The following MIER3 variants were observed in gnomAD, a reference collection of about 807,000 sequenced individuals.
MIER3 encodes the protein mesoderm induction early response protein 3.
In MIER3, 9 loss-of-function variants were observed where a neutral mutation model predicts 63.2. The observed-to-expected ratio is 0.14, with a 90% CI of 0.09 to 0.25. MIER3 has a LOEUF of 0.25. Ranked by LOEUF, MIER3 falls within the 10% of genes least tolerant of loss-of-function variation. The pLI, the probability that MIER3 is intolerant of heterozygous loss-of-function variation, is 1.00. For synonymous variants in MIER3, 205 were observed against 224.9 expected, an observed-to-expected ratio of 0.91 and a Z score of 0.79; for missense variants, 512 against 666.2, an observed-to-expected ratio of 0.77 and a Z score of 2.55.
intron 6 of MIER3, 62 bp downstream of exon 6, chr5:56,935,601 TATC>T: frequency 6.5e-7 from 1 of 1,532,944 alleles, no homozygotes; most frequent in South Asian, 1.2e-5. Flanking sequence ...ACAACAAAAT[TATC>T]ATAAATCATT....
Position 56,950,669 on chromosome 5 carries a change from A to G in MIER3, c.10-17T>C, listed in dbSNP as rs770453596. On this transcript the variant is annotated splice_polypyrimidine_tract_variant and intron_variant, in intron 1 of 12. Coordinates refer to ENST00000381199, the MANE Select transcript of MIER3 (RefSeq NM_001297599.2). Reference sequence around the variant, plus strand: ...AAAAGAAGCCTAGGAGAGAGAGAAGAAAACGTGAGGTTAGATCGCACAGCC... The same window carrying G: ...AAAAGAAGCCTAGGAGAGAGAGAAGGAAACGTGAGGTTAGATCGCACAGCC... The G allele has an allele frequency of 2.4e-5, 39 of 1,613,250 alleles. No homozygotes were observed. In the Admixed American group the frequency reaches 4.0e-4, roughly 17 times the overall value.
At chr5:56,930,780 T>C in intron 8 of MIER3, 35 bp from the exon 9 acceptor site, 1 of 1,532,542 alleles carries the variant, frequency 6.5e-7, no homozygotes, top group Non-Finnish European at 9.0e-7. Context: ...TATTAAAAGT[T>C]CATACCTAAC....
chr5:56,920,212 C>T lies in MIER3; in HGVS notation c.*2916G>A, dbSNP rs911496423. The T allele has an allele frequency of 3.9e-5, 6 of 152,506 alleles. No individual in the cohort carries two copies. The highest frequency in any genetic ancestry group is 7.4e-5 in the Non-Finnish European group (5 of 67,980). 9.4% of individuals were successfully genotyped at this position (152,506 alleles called of 1,614,324 possible). A position where few individuals can be genotyped will look rare whatever the true frequency, so the allele number is the denominator to read the frequency against. ...TATTTTTTAAACAGTATTCTACATC[C>T]TTCAAGTAAATTCAGCAGCTGACCA... On this transcript the variant is annotated 3_prime_UTR_variant, in exon 13 of 13. Coordinates refer to ENST00000381199, the MANE Select transcript of MIER3 (RefSeq NM_001297599.2).
chr5:56,928,574 G>T, intron 10 of MIER3, 193 bp downstream of exon 10: 1 of 438,332 alleles, frequency 2.3e-6, no homozygotes, highest in Non-Finnish European at 4.1e-6. Flanking sequence ...GAAAAGATAT[G>T]TGAATATACT....
Position 56,930,656 on chromosome 5 carries a change from T to C in MIER3, c.829+8A>G, listed in dbSNP as rs1750230299. ...CATGTCCCTCTCTTAAACCCAAGTG[T>C]TTCTTACCTTGAGAGGCCTTTCCAT... On this transcript the variant is annotated splice_region_variant and intron_variant, in intron 9 of 12. Coordinates refer to ENST00000381199, the MANE Select transcript of MIER3 (RefSeq NM_001297599.2). 1 of 1,612,682 alleles carries C rather than the reference T, an allele frequency of 6.2e-7. No homozygotes were observed. The highest frequency in any genetic ancestry group is 2.2e-5 in the East Asian group (1 of 44,848).
At chr5:56,930,192 GACAC>G (rs1010909745) in intron 9 of MIER3, among the ~76,000 whole-genome samples, 10 of 151,560 alleles carry the variant, frequency 6.6e-5, no homozygotes, top group African/African-American at 1.9e-4. Flanking sequence ...CATTTTCCTT[GACAC>G]ACACAAAACA....
intron 9 of MIER3, chr5:56,929,135 G>C (rs945482665): frequency 7.2e-6 from 2 of 276,508 alleles, no homozygotes; most frequent in Non-Finnish European, 1.3e-5. Context: ...TATGGGATGA[G>C]AATTTAAGTT....
intron 7 of MIER3, 96 bp from the exon 8 acceptor site, chr5:56,933,494 G>A: frequency 1.7e-6 from 2 of 1,168,486 alleles, no homozygotes; most frequent in Admixed American, 2.8e-5. Context: ...GCTATCCAGT[G>A]GGACAAGTAA....
At chr5:56,938,448 A>C in intron 4 of MIER3, 1 of 460,128 alleles carries the variant, frequency 2.2e-6, no homozygotes, top group Non-Finnish European at 4.5e-6. Flanking sequence ...TTAGAGATGG[A>C]TCACCGCGGT....
chr5:56,940,560 A>G (rs1454070579), intron 3 of MIER3, among the ~76,000 whole-genome samples: 3 of 152,390 alleles, frequency 2.0e-5, no homozygotes, highest in African/African-American at 7.2e-5. Context: ...ACTTACAAAC[A>G]GGTATATGAT....
Position 56,930,839 on chromosome 5 carries a change from G to T in MIER3, c.748-94C>A, listed in dbSNP as rs1367865265. On this transcript the variant is annotated intron_variant, in intron 8 of 12. Transcript: ENST00000381199. ...GAGTTTTGATAAATATTGGAGTCTT[G>T]ATAAACACTGAAATCCTCTCTAATT... is the stretch of plus-strand genomic sequence containing the variant. 7 of 956,038 alleles carry T rather than the reference G, an allele frequency of 7.3e-6. No homozygotes were observed. The East Asian group carries it at 1.7e-4, about 23-fold the overall frequency. 59.2% of individuals were successfully genotyped at this position (956,038 alleles called of 1,614,324 possible).
rs1749648115 is a variant in MIER3, at chr5:56,921,043, G to T, written c.*2085C>A. The T allele has an allele frequency of 6.6e-6, 1 of 152,458 alleles. No individual in the cohort carries two copies. The highest frequency in any genetic ancestry group is 2.1e-4 in the South Asian group (1 of 4,832). The allele number at this position is 152,458 out of a possible 1,614,324, so 9.4% of individuals were successfully genotyped here. A position where few individuals can be genotyped will look rare whatever the true frequency, so the allele number is the denominator to read the frequency against. ...TGCTGATAATCAAAACTTTAGATAA[G>T]AAACACTGTTTCCATCTTATATCAA... On this transcript the variant is annotated 3_prime_UTR_variant, in exon 13 of 13. Transcript: ENST00000381199.
At chr5:56,945,950 T>G (rs1173878798) in intron 3 of MIER3, among the ~76,000 whole-genome samples, 1 of 152,206 alleles carries the variant, frequency 6.6e-6, no homozygotes, top group Non-Finnish European at 1.5e-5. Context: ...TTTCTTTTAT[T>G]CATTTTCATG....
chr5:56,936,965 A>G (rs1444942755), intron 5 of MIER3: 2 of 152,244 alleles, frequency 1.3e-5, no homozygotes, highest in East Asian at 3.8e-4. Context: ...ATAAAGGTCT[A>G]TAAAATTTTG....
chr5:56,946,300 G>A (rs1750821960), intron 3 of MIER3, among the ~76,000 whole-genome samples: 1 of 152,116 alleles, frequency 6.6e-6, no homozygotes, highest in South Asian at 2.1e-4. Flanking sequence ...TTTTCAAGGT[G>A]ACCCCTATAG....
rs1272742455 is a variant in MIER3 at position 56,922,629 on chromosome 5, C to G, written c.*499G>C. Reference sequence around the variant, plus strand: ...CCTGCTTTTATTAAGAAAATAAAACCAAAAAAATGCTACATTGAGCAGGGA... The same window carrying G: ...CCTGCTTTTATTAAGAAAATAAAACGAAAAAAATGCTACATTGAGCAGGGA... On this transcript the variant is annotated 3_prime_UTR_variant, in exon 13 of 13. Coordinates refer to ENST00000381199, the MANE Select transcript of MIER3 (RefSeq NM_001297599.2). 1 of 153,750 alleles carries G rather than the reference C, an allele frequency of 6.5e-6. No individual in the cohort carries two copies. Among genetic ancestry groups the G allele is most frequent in the Admixed American group, 6.5e-5 (1 of 15,492 alleles). The allele number at this position is 153,750 out of a possible 1,614,324, so 9.5% of individuals were successfully genotyped here.
intron 2 of MIER3, 80 bp downstream of exon 2, chr5:56,950,548 T>C (rs1750983724): frequency 4.2e-6 from 6 of 1,429,386 alleles, no homozygotes; most frequent in African/African-American, 1.4e-5. Context: ...TACATTTCTA[T>C]TGGGAATCCT....
chr5:56,922,966 A>G lies in MIER3; in HGVS notation c.*162T>C, dbSNP rs1282187502. 4.7e-6 allele frequency: 3 copies of G among 635,550 alleles called. No homozygotes were observed. 39.4% of individuals were successfully genotyped at this position (635,550 alleles called of 1,614,324 possible). A position where few individuals can be genotyped will look rare whatever the true frequency, so the allele number is the denominator to read the frequency against. ...CATTTCCACATTTATGGATTGAAAA[A>G]TGAAAATACTCTTGATAAATCAAGA... On this transcript the variant is annotated 3_prime_UTR_variant, in exon 13 of 13. Coordinates refer to ENST00000381199, the MANE Select transcript of MIER3 (RefSeq NM_001297599.2).
intron 5 of MIER3, 44 bp from the exon 6 acceptor site, chr5:56,935,795 C>G: frequency 6.8e-7 from 1 of 1,468,730 alleles, no homozygotes. Context: ...CCTATTTTTG[C>G]AGAACCTGGA....
Sources: gnomAD v4.1 joint callset for allele counts (sites outside exome capture counted in the v4.1 genomes callset) on GRCh38, gnomAD v4.1.1 for gene constraint, MANE v1.5 for transcripts, NCBI Gene and HGNC (gene_info 2026-07-23, HGNC 2026-07-21) for gene names.